The following ENPP2 variants were observed in gnomAD, a reference collection of about 807,000 sequenced individuals.
ENPP2 encodes ectonucleotide pyrophosphatase/phosphodiesterase 2.
A neutral mutation model predicts 120.2 loss-of-function variants in ENPP2; 51 were observed. The observed-to-expected ratio is 0.42, with a 90% CI of 0.34 to 0.54. The LOEUF (loss-of-function observed/expected upper bound fraction) is 0.54. Among genes scored for constraint, ENPP2 ranks in the 20% least tolerant of loss-of-function variants. The pLI is 0.04. For synonymous variants in ENPP2, 365 were observed against 366.4 expected (o/e 1.00, Z 0.04); for missense variants, 920 against 1,066.5 (o/e 0.86, Z 1.91).
Position 119,569,383 on chromosome 8 carries a change from C to G in ENPP2, c.1918-13G>C. 6.2e-7 allele frequency: 1 copy of G among 1,613,452 alleles called. No individual in the cohort carries two copies. Among genetic ancestry groups the G allele is most frequent in the Non-Finnish European group, 8.5e-7 (1 of 1,179,860 alleles). On this transcript the variant is annotated splice_polypyrimidine_tract_variant and intron_variant, in intron 20 of 24. Transcript: ENST00000075322. ...TGGAAACCTCAGCCTGCACGGGAGT[C>G]AGAGGCACTCAGCAATGCCGTGGCT...
chr8:119,626,525 C>T (rs1165532497), intron 3 of ENPP2, 40 bp downstream of exon 3: 1 of 1,578,400 alleles, frequency 6.3e-7, no homozygotes, highest in Non-Finnish European at 8.7e-7. Context: ...AGTCTTTAAG[C>T]CATCTACTTG....
intron 1 of ENPP2, among the ~76,000 whole-genome samples, chr8:119,662,974 A>G (rs1161901529): frequency 6.6e-6 from 1 of 151,968 alleles, no homozygotes; most frequent in Non-Finnish European, 1.5e-5. Flanking sequence ...TAAATTGGCC[A>G]GGTGTGATGG....
At chr8:119,563,082 G>T in intron 23 of ENPP2, 69 bp from the exon 24 acceptor site, 1 of 1,379,646 alleles carries the variant, frequency 7.2e-7, no homozygotes, top group Non-Finnish European at 1.0e-6. Flanking sequence ...TTTAAATGGT[G>T]ATCAATGAAT....
At chr8:119,565,176 G>A (rs542690606) in intron 22 of ENPP2, among the ~76,000 whole-genome samples, 2 of 151,358 alleles carry the variant, frequency 1.3e-5, no homozygotes, top group African/African-American at 2.4e-5. Context: ...ACAATGGTAG[G>A]GGAGTTTAAC....
intron 8 of ENPP2, among the ~76,000 whole-genome samples, chr8:119,612,317 A>G (rs1056267620): frequency 2.6e-5 from 4 of 152,232 alleles, no homozygotes; most frequent in Non-Finnish European, 5.9e-5. Flanking sequence ...AGAATAGGTT[A>G]AATGTTCCTG....
chr8:119,644,587 A>AACATATATATATATAT (rs1817374615), intron 1 of ENPP2, among the ~76,000 whole-genome samples: 1 of 59,978 alleles, frequency 1.7e-5, no homozygotes, highest in Non-Finnish European at 3.3e-5. Flanking sequence ...AGATTACTAA[A>AACATATATATATATAT]ATATATATAT....
chr8:119,604,653 T>C (rs1171079520), intron 9 of ENPP2, among the ~76,000 whole-genome samples: 1 of 152,118 alleles, frequency 6.6e-6, no homozygotes, highest in Non-Finnish European at 1.5e-5. Context: ...TCTTAAGTCA[T>C]ATATAGCCCT....
Position 119,644,929 on chromosome 8 carries a change from T to C in ENPP2, c.22-6402A>G, listed in dbSNP as rs149023977. On this transcript the variant is annotated intron_variant, in intron 1 of 25. Coordinates refer to the ENPP2 transcript ENST00000427067. ...GTCGCTAGCAGGCTTGTAAACCACA[T>C]GAAGGTTTTCATTTTTGAGTCTACT... Among the ~76,000 whole-genome samples the C allele has an allele frequency of 5.2e-3, 796 of 152,186 alleles. 5 individuals are homozygous for C. The highest frequency in any genetic ancestry group is 0.017 in the Middle Eastern group (5 of 294).
At position 119,621,517 on chromosome 8, in the gene ENPP2, G is replaced by C; in HGVS notation, c.295C>G (p.Arg99Gly). 2 of 1,612,620 alleles carry C rather than the reference G, an allele frequency of 1.2e-6. No individual in the cohort carries two copies. Among genetic ancestry groups the C allele is most frequent in the Non-Finnish European group, 1.7e-6 (2 of 1,179,146 alleles). The change falls in exon 4 of 25, where the codon CGT becomes GGT. Residue 99 changes from arginine (R) to glycine (G), a missense_variant and splice_region_variant. Physicochemically the swap from Arg to Gly is moderately radical, Grantham distance 125. Transcript: ENST00000075322. ...DFDELCLKTA[R>G]GWECTKDRCG... The stretch of plus-strand genomic sequence containing the variant: ...CTGTCCTTAGTACACTCCCAGCCAC[G>C]GGCTAAAATCATCCCAATAAAACAT...
intron 24 of ENPP2, among the ~76,000 whole-genome samples, chr8:119,558,909 T>C (rs714607): frequency 0.22 from 34,116 of 151,974 alleles, 5,002 homozygotes; most frequent in South Asian, 0.39. Flanking sequence ...GCAATGGGCT[T>C]TCTCGGAAAG....
intron 11 of ENPP2, 127 bp from the exon 12 acceptor site, chr8:119,593,987 G>A: frequency 2.9e-6 from 2 of 679,308 alleles, no homozygotes; most frequent in Non-Finnish European, 5.3e-6. Flanking sequence ...GCTTTGTCTG[G>A]GGAGATTTGC....
intron 2 of ENPP2, among the ~76,000 whole-genome samples, chr8:119,629,422 G>C (rs550305872): frequency 6.6e-6 from 1 of 152,254 alleles, no homozygotes; most frequent in South Asian, 2.1e-4. Flanking sequence ...AGAAGCAGGA[G>C]AAGAACAGAT....
At chr8:119,593,595 C>G (rs1381643620) in intron 12 of ENPP2, among the ~76,000 whole-genome samples, 157 bp downstream of exon 12, 1 of 152,164 alleles carries the variant, frequency 6.6e-6, no homozygotes, top group Non-Finnish European at 1.5e-5. Flanking sequence ...TCATCTCATA[C>G]TTTTCAATCA....
intron 2 of ENPP2, among the ~76,000 whole-genome samples, chr8:119,634,271 A>G (rs1256382584): frequency 2.6e-5 from 4 of 152,070 alleles, no homozygotes; most frequent in Non-Finnish European, 4.4e-5. Context: ...CTAGAAGGAA[A>G]AAAAAAGATT....
intron 19 of ENPP2, among the ~76,000 whole-genome samples, chr8:119,576,089 A>G (rs1369740501): frequency 6.6e-6 from 1 of 152,216 alleles, no homozygotes; most frequent in African/African-American, 2.4e-5. Context: ...CTGTAGCCAT[A>G]TTCAGGACTC....
At chr8:119,622,514 A>C (rs929646117) in intron 3 of ENPP2, among the ~76,000 whole-genome samples, 4 of 152,098 alleles carry the variant, frequency 2.6e-5, no homozygotes, top group Non-Finnish European at 2.9e-5. Context: ...TCAGAAAAAC[A>C]ACCTTTCCAT....
chr8:119,611,643 A>G (rs940022694), intron 8 of ENPP2, among the ~76,000 whole-genome samples: 1 of 152,232 alleles, frequency 6.6e-6, no homozygotes, highest in Admixed American at 6.5e-5. Flanking sequence ...GCCAGGCTCT[A>G]GATTGGGTCT....
At chr8:119,620,747 T>C (rs7842699) in intron 4 of ENPP2, among the ~76,000 whole-genome samples, 14,419 of 152,282 alleles carry the variant, frequency 0.095, 2,132 homozygotes, top group African/African-American at 0.32. Context: ...CATCATATTC[T>C]ACAATCAACC....
Position 119,627,634 on chromosome 8 carries a change from G to A in ENPP2, c.137-914C>T, listed in dbSNP as rs759149694. Among the ~76,000 whole-genome samples, 11 of 152,118 alleles carry A rather than the reference G, an allele frequency of 7.2e-5. No homozygotes were observed. In the East Asian group the frequency reaches 7.7e-4, roughly 11 times the overall value. On this transcript the variant is annotated intron_variant, in intron 2 of 24. Coordinates refer to ENST00000075322, the MANE Select transcript of ENPP2 (RefSeq NM_001040092.3). ...CCCAGCACTTTGGGAGGCCGAGGTC[G>A]GTGGATCATCTGAGGTCAGGAGTTC...
Sources: allele counts gnomAD v4.1 joint callset (sites outside exome capture counted in the v4.1 genomes callset), GRCh38; gene constraint gnomAD v4.1.1; transcripts MANE v1.5; gene names NCBI Gene and HGNC (gene_info 2026-07-23, HGNC 2026-07-21).